The following SMYD3 variants were observed in gnomAD, a reference collection of about 807,000 sequenced individuals.
The protein encoded by SMYD3 is histone-lysine N-methyltransferase SMYD3.
A neutral mutation model predicts 57.7 loss-of-function variants in SMYD3; 36 were observed. That is an observed-to-expected ratio of 0.62 (90% CI 0.48 to 0.82). The LOEUF (loss-of-function observed/expected upper bound fraction) is 0.82, where lower values mean the gene tolerates loss of function less well. Ranked by LOEUF, SMYD3 falls within the 40% of genes least tolerant of loss-of-function variation. The probability of loss-of-function intolerance (pLI) is 0.00; values close to 1 mark genes in which losing one functional copy is unlikely to be tolerated. For synonymous variants in SMYD3, 211 were observed against 195.0 expected, an observed-to-expected ratio of 1.08 and a Z score of -0.68; for missense variants, 515 against 538.8, an observed-to-expected ratio of 0.96 and a Z score of 0.44.
At chr1:245,928,560 G>A (rs992350095) in intron 6 of SMYD3, among the ~76,000 whole-genome samples, 1 of 152,134 alleles carries the variant, frequency 6.6e-6, no homozygotes, top group African/African-American at 2.4e-5. Context: ...TGTAGTCCTA[G>A]CTACTCAGGA....
At chr1:246,235,698 G>C (rs2063503495) in intron 5 of SMYD3, among the ~76,000 whole-genome samples, 1 of 152,232 alleles carries the variant, frequency 6.6e-6, no homozygotes, top group South Asian at 2.1e-4. Context: ...TTTTCTTCTA[G>C]AGCAAATTCC....
chr1:245,861,017 G>A (rs1336895712), intron 9 of SMYD3, among the ~76,000 whole-genome samples: 1 of 152,246 alleles, frequency 6.6e-6, no homozygotes, highest in Non-Finnish European at 1.5e-5. Context: ...ATGTTCTGCA[G>A]CTACTCATAG....
chr1:245,982,741 A>G, intron 5 of SMYD3, among the ~76,000 whole-genome samples: 1 of 152,230 alleles, frequency 6.6e-6, no homozygotes, highest in East Asian at 1.9e-4. Context: ...TTTACTCCAT[A>G]GAATAAGCAA....
At chr1:245,848,647 A>C (rs1340661639) in intron 10 of SMYD3, among the ~76,000 whole-genome samples, 2 of 152,050 alleles carry the variant, frequency 1.3e-5, no homozygotes, top group Non-Finnish European at 2.9e-5. Context: ...CCTGGGCTCA[A>C]GTTATCTTCC....
chr1:246,385,755 AAAC>A (rs1220955454), intron 1 of SMYD3, among the ~76,000 whole-genome samples: 1 of 152,068 alleles, frequency 6.6e-6, no homozygotes, highest in African/African-American at 2.4e-5. Context: ...CACTTTTTTA[AAAC>A]AAACACAATC....
chr1:246,049,495 C>T (rs1220280537), intron 5 of SMYD3, among the ~76,000 whole-genome samples: 2 of 150,550 alleles, frequency 1.3e-5, no homozygotes, highest in South Asian at 2.1e-4. Flanking sequence ...TTAGTAGAGA[C>T]GGGGTTTCAC....
intron 5 of SMYD3, among the ~76,000 whole-genome samples, chr1:246,092,524 A>G (rs6656940): frequency 0.79 from 120,072 of 152,064 alleles, 47,843 homozygotes; most frequent in Admixed American, 0.84. Context: ...GGACACCCTC[A>G]TCAATAAACG....
At chr1:245,924,585 T>G (rs536209371) in intron 7 of SMYD3, among the ~76,000 whole-genome samples, 1 of 151,534 alleles carries the variant, frequency 6.6e-6, no homozygotes, top group Admixed American at 6.6e-5. Context: ...CATATTCCCT[T>G]CCTTTCAGGA....
intron 7 of SMYD3, among the ~76,000 whole-genome samples, chr1:245,919,870 A>C (rs553951229): frequency 7.7e-4 from 117 of 152,352 alleles, no homozygotes; most frequent in African/African-American, 2.7e-3. Context: ...CTCTTATAGA[A>C]AATGCAGTAA....
chr1:245,914,141 C>T (rs2147769083), intron 8 of SMYD3, among the ~76,000 whole-genome samples: 1 of 152,266 alleles, frequency 6.6e-6, no homozygotes, highest in Middle Eastern at 3.4e-3. Context: ...ACTGCCATTA[C>T]TTTTAATGGC....
At chr1:246,033,502 T>C (rs1325771296) in intron 5 of SMYD3, among the ~76,000 whole-genome samples, 1 of 152,174 alleles carries the variant, frequency 6.6e-6, no homozygotes, top group Non-Finnish European at 1.5e-5. Flanking sequence ...AACATCAATG[T>C]TCTGGCCGGG....
chr1:246,395,036 A>G (rs985480592), intron 1 of SMYD3, among the ~76,000 whole-genome samples: 15 of 152,174 alleles, frequency 9.9e-5, no homozygotes, highest in African/African-American at 3.6e-4. Context: ...GAGGCTCCTG[A>G]ACTCAGCTAC....
chr1:245,857,250 G>A (rs973203758), intron 10 of SMYD3, among the ~76,000 whole-genome samples: 13 of 152,216 alleles, frequency 8.5e-5, no homozygotes, highest in Non-Finnish European at 1.6e-4. Flanking sequence ...TCTGCCATCC[G>A]CCTGGCTGGT....
intron 10 of SMYD3, among the ~76,000 whole-genome samples, chr1:245,800,983 T>C (rs935519476): frequency 5.3e-5 from 8 of 152,234 alleles, no homozygotes; most frequent in Admixed American, 3.9e-4. Context: ...GTAGTAATTC[T>C]CTGCAAATTC....
intron 5 of SMYD3, among the ~76,000 whole-genome samples, chr1:246,247,894 G>A (rs541148556): frequency 5.9e-5 from 9 of 152,082 alleles, no homozygotes; most frequent in South Asian, 2.1e-4. Context: ...CTGGATTAGC[G>A]AGCGGTTATG....
intron 5 of SMYD3, among the ~76,000 whole-genome samples, chr1:246,216,154 G>A (rs1272019878): frequency 6.6e-6 from 1 of 151,986 alleles, no homozygotes. Context: ...AAGCGTGATG[G>A]TGCACACCTG....
At chr1:245,770,404 C>T (rs1189712955) in intron 10 of SMYD3, among the ~76,000 whole-genome samples, 1 of 152,170 alleles carries the variant, frequency 6.6e-6, no homozygotes. Context: ...CTCTGACCAC[C>T]AAAGGACTAC....
At chr1:246,302,414 T>C (rs936602496) in intron 5 of SMYD3, among the ~76,000 whole-genome samples, 1 of 152,164 alleles carries the variant, frequency 6.6e-6, no homozygotes, top group East Asian at 1.9e-4. Flanking sequence ...TTTTCTGTCA[T>C]GTGAAACTGT....
chr1:246,433,448 G>C (rs1421905637), intron 1 of SMYD3, among the ~76,000 whole-genome samples: 7 of 152,070 alleles, frequency 4.6e-5, no homozygotes, highest in African/African-American at 1.7e-4. Context: ...ATCACTTGAG[G>C]TCAGGAGTTT....
Sources: gnomAD v4.1 joint callset for allele counts (sites outside exome capture counted in the v4.1 genomes callset) on GRCh38, gnomAD v4.1.1 for gene constraint, MANE v1.5 for transcripts, NCBI Gene and HGNC (gene_info 2026-07-23, HGNC 2026-07-21) for gene names.